The following ROBO2 variants were observed in gnomAD, a reference collection of about 807,000 sequenced individuals.
The protein encoded by ROBO2 is roundabout homolog 2.
A neutral mutation model predicts 160.8 loss-of-function variants in ROBO2; 53 were observed. The observed-to-expected ratio is 0.33, with a 90% CI of 0.26 to 0.41. ROBO2 has a LOEUF of 0.41. ROBO2 is among the 10% of genes least tolerant of loss of function. The pLI, the probability that ROBO2 is intolerant of heterozygous loss-of-function variation, is 1.00. For synonymous variants in ROBO2, 664 were observed against 611.7 expected (o/e 1.09, Z -1.26); for missense variants, 1,577 against 1,722.4 (o/e 0.92, Z 1.49).
intron 2 of ROBO2, among the ~76,000 whole-genome samples, chr3:76,645,147 G>C (rs2090902318): frequency 1.3e-5 from 2 of 152,150 alleles, no homozygotes; most frequent in African/African-American, 4.8e-5. Flanking sequence ...TCTTTGTAAT[G>C]GGTTGGTAAT....
At chr3:75,946,397 G>T (rs567186572) in intron 2 of ROBO2, among the ~76,000 whole-genome samples, 2 of 152,020 alleles carry the variant, frequency 1.3e-5, no homozygotes, top group African/African-American at 4.8e-5. Context: ...AGTGAAGAAG[G>T]CAAAGACACA....
At chr3:76,082,881 A>G (rs1023268819) in intron 2 of ROBO2, among the ~76,000 whole-genome samples, 2 of 152,006 alleles carry the variant, frequency 1.3e-5, no homozygotes, top group African/African-American at 4.8e-5. Context: ...TTTTTTTTCA[A>G]AATGTGAGCT....
chr3:77,590,387 G>T (rs1020487744), intron 17 of ROBO2, among the ~76,000 whole-genome samples: 1 of 152,124 alleles, frequency 6.6e-6, no homozygotes, highest in East Asian at 1.9e-4. Context: ...CAGTAACTGA[G>T]TGTCAGAGTC....
chr3:77,163,083 G>T (rs538550332), intron 2 of ROBO2, among the ~76,000 whole-genome samples: 1 of 152,168 alleles, frequency 6.6e-6, no homozygotes, highest in East Asian at 1.9e-4. Context: ...TGATCCGCCT[G>T]CCTCTTCCTC....
intron 2 of ROBO2, among the ~76,000 whole-genome samples, chr3:76,817,827 C>CTTT (rs78546104): frequency 7.7e-6 from 1 of 129,492 alleles, no homozygotes; most frequent in African/African-American, 2.9e-5. Flanking sequence ...TATTTCATTC[C>CTTT]TTTTTTTTTT....
At chr3:76,149,762 A>G (rs1312507004) in intron 2 of ROBO2, among the ~76,000 whole-genome samples, 2 of 141,286 alleles carry the variant, frequency 1.4e-5, no homozygotes, top group Admixed American at 1.4e-4. Flanking sequence ...TGTCTAAAGC[A>G]CACATCTGTC....
At chr3:76,536,048 C>T (rs1476913788) in intron 2 of ROBO2, among the ~76,000 whole-genome samples, 1 of 152,068 alleles carries the variant, frequency 6.6e-6, no homozygotes, top group Non-Finnish European at 1.5e-5. Context: ...TGGGACATGG[C>T]TTAGGAGGAA....
At chr3:77,266,909 C>CA (rs753340858) in intron 2 of ROBO2, among the ~76,000 whole-genome samples, 4 of 152,066 alleles carry the variant, frequency 2.6e-5, no homozygotes, top group Non-Finnish European at 5.9e-5. Flanking sequence ...TTTTGTGAAA[C>CA]AAAAAATGTT....
chr3:76,145,687 C>G (rs1218007806), intron 2 of ROBO2, among the ~76,000 whole-genome samples: 1 of 151,848 alleles, frequency 6.6e-6, no homozygotes, highest in Non-Finnish European at 1.5e-5. Context: ...AAAAAGGACT[C>G]GATTTTTTAT....
At chr3:77,199,797 T>TC (rs2082658207) in intron 2 of ROBO2, among the ~76,000 whole-genome samples, 1 of 121,792 alleles carries the variant, frequency 8.2e-6, no homozygotes, top group Non-Finnish European at 2.0e-5. Flanking sequence ...TAATTTTTTT[T>TC]TTTGTTGTTT....
intron 2 of ROBO2, among the ~76,000 whole-genome samples, chr3:77,273,403 C>T (rs2059628996): frequency 6.6e-6 from 1 of 152,096 alleles, no homozygotes; most frequent in African/African-American, 2.4e-5. Flanking sequence ...TGCTGAAGTA[C>T]CAGAATCTTG....
chr3:76,866,806 G>A (rs760432064), intron 2 of ROBO2, among the ~76,000 whole-genome samples: 4 of 152,110 alleles, frequency 2.6e-5, no homozygotes, highest in Non-Finnish European at 5.9e-5. Flanking sequence ...TTGAATAAGA[G>A]AAGAGTAGGA....
chr3:76,908,944 T>C (rs539402762), intron 2 of ROBO2, among the ~76,000 whole-genome samples: 29 of 152,202 alleles, frequency 1.9e-4, no homozygotes, highest in Non-Finnish European at 3.5e-4. Context: ...AAACAATTTC[T>C]AGTTTAGGTG....
At chr3:76,526,072 G>T (rs1684821603) in intron 2 of ROBO2, among the ~76,000 whole-genome samples, 1 of 151,924 alleles carries the variant, frequency 6.6e-6, no homozygotes, top group Non-Finnish European at 1.5e-5. Flanking sequence ...GTCTTGATTA[G>T]CTGAGTTCCC....
chr3:76,525,444 C>G (rs1577894285), intron 2 of ROBO2, among the ~76,000 whole-genome samples: 1 of 151,752 alleles, frequency 6.6e-6, no homozygotes, highest in African/African-American at 2.4e-5. Flanking sequence ...AAGTGGGTTA[C>G]CTTAGGCTTA....
At chr3:76,993,472 A>G (rs2060807361) in intron 2 of ROBO2, among the ~76,000 whole-genome samples, 1 of 152,130 alleles carries the variant, frequency 6.6e-6, no homozygotes, top group Admixed American at 6.6e-5. Context: ...TAATTTTTTA[A>G]TATTATTTTG....
At chr3:75,950,104 G>T (rs1311874186) in intron 2 of ROBO2, among the ~76,000 whole-genome samples, 1 of 151,920 alleles carries the variant, frequency 6.6e-6, no homozygotes, top group East Asian at 1.9e-4. Flanking sequence ...CTAAATCATT[G>T]TGTCTCCAAC....
At chr3:77,153,026 G>T (rs1451561465) in intron 2 of ROBO2, among the ~76,000 whole-genome samples, 1 of 152,116 alleles carries the variant, frequency 6.6e-6, no homozygotes, top group Non-Finnish European at 1.5e-5. Context: ...TTAAGGTGTG[G>T]TCTTTCAGTC....
At chr3:77,357,826 T>C (rs1471285621) in intron 2 of ROBO2, among the ~76,000 whole-genome samples, 3 of 152,142 alleles carry the variant, frequency 2.0e-5, no homozygotes, top group African/African-American at 7.2e-5. Context: ...AAGTAAAGTT[T>C]AAGGGATAGA....
Sources: gnomAD v4.1 joint callset for allele counts (sites outside exome capture counted in the v4.1 genomes callset) on GRCh38, gnomAD v4.1.1 for gene constraint, MANE v1.5 for transcripts, NCBI Gene and HGNC (gene_info 2026-07-23, HGNC 2026-07-21) for gene names.